Variants in CNGA1 observed in about 807,000 individuals in gnomAD.
CNGA1 encodes cyclic nucleotide gated channel subunit alpha 1, also known as cyclic nucleotide-gated channel alpha-1.
In CNGA1, 53 loss-of-function variants were observed where a neutral mutation model predicts 69.7. The observed-to-expected ratio is 0.76, with a 90% CI of 0.61 to 0.96. CNGA1 has a LOEUF of 0.96. Among genes scored for constraint, CNGA1 ranks in the 40% least tolerant of loss-of-function variants. CNGA1 has a pLI of 0.00. For synonymous variants in CNGA1, 249 were observed against 283.5 expected, an observed-to-expected ratio of 0.88 and a Z score of 1.22; for missense variants, 739 against 811.2, an observed-to-expected ratio of 0.91 and a Z score of 1.08.
At chr4:47,987,776 G>A (rs139895974) in intron 2 of CNGA1, among the ~76,000 whole-genome samples, 1,834 of 152,288 alleles carry the variant, frequency 0.012, 17 homozygotes, top group Non-Finnish European at 0.021. Context: ...CTTAGATGGG[G>A]TTTTCAGGAA....
In CNGA1 at chr4:47,951,406, A is replaced by G; in HGVS notation, c.171T>C (p.His57=). ...ACTTATAACTAAAGGAACCCCTTGC[A>G]TGAGGGTTTTCATTCTCTGATTCTT... ...TSEESENENP[H]ARGSFSYKSL... is the part of the protein sequence containing the mutation. Residue 57 remains histidine, a synonymous_variant, in exon 5 of 11, where the codon CAT becomes CAC. Transcript: ENST00000514170. 3.7e-6 allele frequency: 6 copies of G among 1,613,944 alleles called. No homozygotes were observed. The highest frequency in any genetic ancestry group is 5.1e-6 in the Non-Finnish European group (6 of 1,179,848).
intron 1 of CNGA1, among the ~76,000 whole-genome samples, chr4:48,015,048 G>A (rs999354328): frequency 7.2e-5 from 11 of 152,016 alleles, no homozygotes; most frequent in African/African-American, 2.4e-4. Flanking sequence ...CGTGGTGGGG[G>A]GCGCCTGTAG....
chr4:47,948,320 G>A (rs1719423381), intron 6 of CNGA1, among the ~76,000 whole-genome samples: 1 of 152,144 alleles, frequency 6.6e-6, no homozygotes, highest in Admixed American at 6.5e-5. Context: ...TGCTATCATA[G>A]AGTTTATACT....
chr4:47,980,500 C>A (rs1370312908), intron 3 of CNGA1, among the ~76,000 whole-genome samples: 2 of 136,100 alleles, frequency 1.5e-5, no homozygotes, highest in Non-Finnish European at 3.1e-5. Flanking sequence ...TTTGATACAG[C>A]GTCTCTCTCT....
intron 2 of CNGA1, among the ~76,000 whole-genome samples, chr4:48,002,692 A>AC (rs1714714913): frequency 6.6e-6 from 1 of 150,906 alleles, no homozygotes; most frequent in African/African-American, 2.5e-5. Flanking sequence ...GCAAAAAAAA[A>AC]AAAAAAACAA....
intron 3 of CNGA1, among the ~76,000 whole-genome samples, chr4:47,955,336 C>A (rs547003711): frequency 5.9e-5 from 9 of 151,882 alleles, no homozygotes; most frequent in Admixed American, 1.3e-4. Context: ...GCGCCCACCA[C>A]CACGCCTGGC....
intron 3 of CNGA1, among the ~76,000 whole-genome samples, chr4:47,973,074 T>TC (rs907896518): frequency 6.7e-6 from 1 of 149,740 alleles, no homozygotes; most frequent in Non-Finnish European, 1.5e-5. Context: ...ATCTTTTTTT[T>TC]TTTTTTTTTT....
intron 1 of CNGA1, 90 bp downstream of exon 1, chr4:48,016,393 G>A (rs1220903125): frequency 5.5e-6 from 1 of 181,360 alleles, no homozygotes; most frequent in Non-Finnish European, 1.1e-5. Context: ...AAGCAGCAGG[G>A]CTCTCTCTAG....
At chr4:47,942,012 C>CAAAAAA in intron 9 of CNGA1, 29 bp downstream of exon 9, 4 of 1,165,254 alleles carry the variant, frequency 3.4e-6, no homozygotes, top group South Asian at 2.8e-5. Context: ...GTGAGATCCA[C>CAAAAAA]AAAAAAAAAA....
intron 3 of CNGA1, among the ~76,000 whole-genome samples, chr4:47,971,397 C>A (rs1741030939): frequency 6.6e-6 from 1 of 151,558 alleles, no homozygotes; most frequent in Non-Finnish European, 1.5e-5. Context: ...ATACTGACCC[C>A]CCATTTCAAA....
In CNGA1 at chr4:47,937,438, G is replaced by T. The variant is rs759079269; in HGVS notation, c.1044C>A (p.Ser348Arg). 2.5e-6 allele frequency: 4 copies of T among 1,613,954 alleles called. No individual in the cohort carries two copies. The highest frequency in any genetic ancestry group is 2.2e-5 in the East Asian group (1 of 44,888). Reference protein sequence around the residue: ...FGRLARKYVYSLYWSTLTLTT... With the variant: ...FGRLARKYVYRLYWSTLTLTT... The stretch of plus-strand genomic sequence containing the variant: ...TCAAAGTCAGTGTAGACCAGTAAAG[G>T]CTGTATACGTATTTTCTAGCCAAAC... Residue 348 changes from serine (S) to arginine (R), a missense_variant, in exon 11 of 11, where the codon AGC (serine) becomes AGA (arginine). Ser to Arg is a moderately radical substitution (Grantham distance 110). Transcript: ENST00000514170.
Position 47,937,531 on chromosome 4 carries a change from A to T in CNGA1, c.951T>A (p.Ile317=). 6.2e-7 allele frequency: 1 copy of T among 1,614,222 alleles called. No individual in the cohort carries two copies. The highest frequency in any genetic ancestry group is 8.5e-7 in the Non-Finnish European group (1 of 1,180,042). ...IHWNACVFYS[I]SKAIGFGNDT... is the part of the protein sequence containing the mutation. The stretch of plus-strand genomic sequence containing the variant: ...CATTTCCAAATCCAATAGCTTTAGA[A>T]ATAGAGTAGAACACACATGCATTCC... The change falls in exon 11 of 11, where the codon ATT becomes ATA. Residue 317 remains isoleucine, a synonymous_variant. Coordinates refer to ENST00000514170, the MANE Select transcript of CNGA1 (RefSeq NM_001379270.1).
intron 6 of CNGA1, among the ~76,000 whole-genome samples, chr4:47,948,409 T>A (rs1272336160): frequency 6.6e-6 from 1 of 152,218 alleles, no homozygotes; most frequent in Non-Finnish European, 1.5e-5. Flanking sequence ...TCTATGCCTG[T>A]ATAGAATGCA....
chr4:47,984,658 A>T (rs890003169), intron 2 of CNGA1, among the ~76,000 whole-genome samples: 1 of 85,108 alleles, frequency 1.2e-5, no homozygotes, highest in African/African-American at 3.9e-5. Flanking sequence ...ATATATATAT[A>T]TATATACACA....
intron 3 of CNGA1, among the ~76,000 whole-genome samples, chr4:47,963,827 G>T (rs928288469): frequency 1.3e-5 from 2 of 151,968 alleles, no homozygotes; most frequent in Non-Finnish European, 1.5e-5. Context: ...AAAATCATTT[G>T]ATATAGAAAA....
intron 2 of CNGA1, among the ~76,000 whole-genome samples, chr4:48,010,384 C>T (rs1715101420): frequency 6.6e-6 from 1 of 152,210 alleles, no homozygotes; most frequent in African/African-American, 2.4e-5. Context: ...TTACAGTGCA[C>T]TTTAAAAACA....
In CNGA1 at chr4:47,943,169, A is replaced by G; in HGVS notation, c.437+12T>C. 6.4e-7 allele frequency: 1 copy of G among 1,569,152 alleles called. No individual in the cohort carries two copies. Among genetic ancestry groups the G allele is most frequent in the Non-Finnish European group, 8.8e-7 (1 of 1,142,048 alleles). On this transcript the variant is annotated intron_variant, in intron 8 of 10. Transcript: ENST00000514170. ...AATTTCCTTCTATTTCAATGCCACT[A>G]AAAGTGCTTACTCTTCTTTCTTATC...
intron 2 of CNGA1, among the ~76,000 whole-genome samples, chr4:47,987,189 C>A (rs1660662928): frequency 1.3e-5 from 2 of 152,274 alleles, no homozygotes; most frequent in South Asian, 4.1e-4. Context: ...CCCTCTAAAT[C>A]TTCATAATCC....
In CNGA1 at chr4:47,937,830, C is replaced by A. The variant is rs1279855111; in HGVS notation, c.653-1G>T. 1.9e-6 allele frequency: 3 copies of A among 1,599,746 alleles called. No homozygotes were observed. In the South Asian group the frequency reaches 3.3e-5, roughly 18 times the overall value. On this transcript the variant is annotated splice_acceptor_variant, in intron 10 of 10. Coordinates refer to ENST00000514170, the MANE Select transcript of CNGA1 (RefSeq NM_001379270.1). LOFTEE classifies it high-confidence loss of function. Reference sequence around the variant, plus strand: ...ACCAGCAGTCCTTGTTCTAGGTAACCTAAAATAGAAAATAAAATCAATTCA... The same window carrying A: ...ACCAGCAGTCCTTGTTCTAGGTAACATAAAATAGAAAATAAAATCAATTCA...
Sources: allele counts gnomAD v4.1 joint callset (sites outside exome capture counted in the v4.1 genomes callset), GRCh38; gene constraint gnomAD v4.1.1; transcripts MANE v1.5; gene names NCBI Gene and HGNC (gene_info 2026-07-23, HGNC 2026-07-21).